AUTS2: variants seen among roughly 807,000 people sequenced by gnomAD.
AUTS2 encodes the protein activator of transcription and developmental regulator AUTS2, also known as autism susceptibility gene 2 protein.
A neutral mutation model predicts 112.4 loss-of-function variants in AUTS2; 17 were observed. That is an observed-to-expected ratio of 0.15 (90% confidence interval 0.10 to 0.23). The LOEUF (loss-of-function observed/expected upper bound fraction) is 0.23. Among genes scored for constraint, AUTS2 ranks in the 10% least tolerant of loss-of-function variants. The pLI is 1.00. For missense variants in AUTS2, 1,510 were observed against 1,701.6 expected, an observed-to-expected ratio of 0.89 and a Z score of 1.98; for synonymous variants, 751 against 702.7, an observed-to-expected ratio of 1.07 and a Z score of -1.09.
intron 4 of AUTS2, among the ~76,000 whole-genome samples, chr7:70,306,210 G>A (rs983277297): frequency 6.6e-6 from 1 of 152,226 alleles, no homozygotes; most frequent in African/African-American, 2.4e-5. Flanking sequence ...TGACCCTAGA[G>A]AAGCTTGTGG....
At chr7:69,971,151 T>C (rs79727614) in intron 2 of AUTS2, among the ~76,000 whole-genome samples, 3,026 of 152,242 alleles carry the variant, frequency 0.02, 94 homozygotes, top group African/African-American at 0.068. Flanking sequence ...GCACTTTAGC[T>C]TGGGCGACAG....
At chr7:69,681,237 A>G (rs1433541123) in intron 1 of AUTS2, among the ~76,000 whole-genome samples, 1 of 152,204 alleles carries the variant, frequency 6.6e-6, no homozygotes, top group Middle Eastern at 3.2e-3. Flanking sequence ...TTTCTCTTCA[A>G]GATCCTGCTA....
At chr7:70,585,770 A>C (rs1459447500) in intron 5 of AUTS2, among the ~76,000 whole-genome samples, 3 of 152,194 alleles carry the variant, frequency 2.0e-5, no homozygotes, top group African/African-American at 7.2e-5. Context: ...GGGACCAGTG[A>C]ATTAGAATCT....
At chr7:70,095,331 C>T (rs1000365299) in intron 2 of AUTS2, among the ~76,000 whole-genome samples, 1 of 152,134 alleles carries the variant, frequency 6.6e-6, no homozygotes, top group African/African-American at 2.4e-5. Flanking sequence ...TTTGGAAATA[C>T]GTGCATTCTC....
chr7:70,352,351 C>T (rs1791807064), intron 4 of AUTS2, among the ~76,000 whole-genome samples: 1 of 152,202 alleles, frequency 6.6e-6, no homozygotes, highest in Non-Finnish European at 1.5e-5. Flanking sequence ...CCTAACTTGC[C>T]TCTCTCAGTA....
At chr7:70,255,300 C>T (rs1228368988) in intron 4 of AUTS2, among the ~76,000 whole-genome samples, 1 of 151,988 alleles carries the variant, frequency 6.6e-6, no homozygotes, top group East Asian at 1.9e-4. Context: ...TCTCGAACTC[C>T]TGACCTCGTT....
At chr7:69,928,134 T>C (rs188027867) in intron 2 of AUTS2, among the ~76,000 whole-genome samples, 37 of 152,260 alleles carry the variant, frequency 2.4e-4, no homozygotes, top group Admixed American at 2.1e-3. Context: ...GTAGCTCCTA[T>C]CTGCAGGCAG....
chr7:70,160,895 T>C (rs1389837658), intron 4 of AUTS2, among the ~76,000 whole-genome samples: 1 of 152,166 alleles, frequency 6.6e-6, no homozygotes, highest in African/African-American at 2.4e-5. Flanking sequence ...CATGCCAGGC[T>C]CAAAATACTA....
rs538932694 is a variant in AUTS2 at position 70,107,230 on chromosome 7, A to G, written c.523-10902A>G. Among the ~76,000 whole-genome samples the G allele has an allele frequency of 1.2e-4, 18 of 151,320 alleles. 1 individual carries two copies. The South Asian group carries it at 3.0e-3, about 25-fold the overall frequency. ...TCAGTGATAGCACATTTTGAAGACTATGGAATCTAAAGGCTGATTTTGTAT... is the reference window on the plus strand; with the variant it reads ...TCAGTGATAGCACATTTTGAAGACTGTGGAATCTAAAGGCTGATTTTGTAT... On this transcript the variant is annotated intron_variant, in intron 2 of 18. Transcript: ENST00000342771.
At chr7:69,683,503 T>C (rs941349754) in intron 1 of AUTS2, among the ~76,000 whole-genome samples, 3 of 152,156 alleles carry the variant, frequency 2.0e-5, no homozygotes, top group African/African-American at 7.2e-5. Flanking sequence ...AAATAATTCT[T>C]AATAACTCCT....
intron 4 of AUTS2, chr7:70,292,124 G>T (rs903568429): frequency 3.9e-5 from 6 of 152,156 alleles, no homozygotes; most frequent in Non-Finnish European, 8.8e-5. Context: ...TTGCTTCCAT[G>T]ATGAGCATTT....
chr7:70,079,815 A>T lies in AUTS2; in HGVS notation c.523-38317A>T, dbSNP rs79154916. 2.9e-3 allele frequency among the ~76,000 whole-genome samples: 444 copies of T among 152,226 alleles called. 5 individuals are homozygous for T. Among genetic ancestry groups the T allele is most frequent in the African/African-American group, 0.01 (430 of 41,546 alleles). On this transcript the variant is annotated intron_variant, in intron 2 of 18. Coordinates refer to ENST00000342771, the MANE Select transcript of AUTS2 (RefSeq NM_015570.4). ...GTAACAGAACACCGCAAACTGAGTA[A>T]TTTATAAGCAATAGAAGTTTATTTG... is the stretch of plus-strand genomic sequence containing the variant.
rs570304457 is a variant in AUTS2 at position 69,610,567 on chromosome 7, G to T, written c.309+10605G>T. Among the ~76,000 whole-genome samples the T allele has an allele frequency of 4.8e-4, 73 of 152,268 alleles. 1 individual carries two copies. The highest frequency in any genetic ancestry group is 1.7e-3 in the African/African-American group (71 of 41,532). ...ACAGTTTCCTGCACGTGTTCCCGGT[G>T]CTCTGTTCCCCGTGCTCCTGGAAGA... On this transcript the variant is annotated intron_variant, in intron 1 of 18. Coordinates refer to ENST00000342771, the MANE Select transcript of AUTS2 (RefSeq NM_015570.4).
chr7:70,222,603 T>G (rs986556100), intron 4 of AUTS2, among the ~76,000 whole-genome samples: 4 of 151,974 alleles, frequency 2.6e-5, no homozygotes, highest in East Asian at 1.9e-4. Flanking sequence ...TGGTAGAGTT[T>G]TTTTTTTTTT....
At chr7:69,907,963 A>G (rs1450342042) in intron 2 of AUTS2, among the ~76,000 whole-genome samples, 1 of 152,162 alleles carries the variant, frequency 6.6e-6, no homozygotes, top group Non-Finnish European at 1.5e-5. Flanking sequence ...GTAAATGTTT[A>G]TATGTTGAAT....
At chr7:69,974,465 A>G (rs1797976654) in intron 2 of AUTS2, among the ~76,000 whole-genome samples, 1 of 151,968 alleles carries the variant, frequency 6.6e-6, no homozygotes, top group Non-Finnish European at 1.5e-5. Context: ...TGCAAGCTAG[A>G]AAACCAGGAA....
intron 2 of AUTS2, among the ~76,000 whole-genome samples, chr7:70,097,540 A>G (rs1804269320): frequency 6.6e-6 from 1 of 152,214 alleles, no homozygotes; most frequent in African/African-American, 2.4e-5. Flanking sequence ...AGCATATTTC[A>G]TTCTCCCTAC....
intron 5 of AUTS2, among the ~76,000 whole-genome samples, chr7:70,517,326 A>G (rs752985265): frequency 2.2e-4 from 34 of 152,164 alleles, no homozygotes; most frequent in Admixed American, 1.5e-3. Flanking sequence ...AATGAGTTGT[A>G]GACATTGGTA....
intron 1 of AUTS2, among the ~76,000 whole-genome samples, chr7:69,671,976 C>T (rs1447164830): frequency 1.3e-5 from 2 of 151,682 alleles, no homozygotes; most frequent in Admixed American, 1.3e-4. Context: ...ACATGCAAGG[C>T]AGGGTCTGAG....
Sources: gnomAD v4.1 joint callset for allele counts (sites outside exome capture counted in the v4.1 genomes callset) on GRCh38, gnomAD v4.1.1 for gene constraint, MANE v1.5 for transcripts, NCBI Gene and HGNC (gene_info 2026-07-23, HGNC 2026-07-21) for gene names.